The following NTM variants were observed in gnomAD, a reference collection of about 807,000 sequenced individuals.
NTM encodes IgLON family member 2.
In NTM, 13 loss-of-function variants were observed where a neutral mutation model predicts 42.1. The ratio of observed to expected loss-of-function variants is 0.31; its 90% CI spans 0.20 to 0.49. The LOEUF (loss-of-function observed/expected upper bound fraction) is 0.49. Among genes scored for constraint, NTM ranks in the 20% least tolerant of loss-of-function variants. The probability of loss-of-function intolerance (pLI) is 0.99; values close to 1 mark genes in which losing one functional copy is unlikely to be tolerated. For synonymous variants in NTM, 187 were observed against 179.2 expected (o/e 1.04, Z -0.35); for missense variants, 373 against 452.8 (o/e 0.82, Z 1.60).
chr11:131,605,394 T>A (rs2060858899), intron 1 of NTM, among the ~76,000 whole-genome samples: 1 of 152,262 alleles, frequency 6.6e-6, no homozygotes, highest in Non-Finnish European at 1.5e-5. Context: ...TATTTTTGTA[T>A]ATTTATTGTG....
intron 1 of NTM, among the ~76,000 whole-genome samples, chr11:131,515,771 G>A (rs1341797717): frequency 6.6e-6 from 1 of 152,222 alleles, no homozygotes; most frequent in Non-Finnish European, 1.5e-5. Flanking sequence ...AGGTGTTTAA[G>A]TGTAGAAATG....
intron 7 of NTM, among the ~76,000 whole-genome samples, chr11:132,321,757 A>T (rs1335550676): frequency 6.6e-6 from 1 of 150,458 alleles, no homozygotes; most frequent in Non-Finnish European, 1.5e-5. Context: ...TGAAGGAAAA[A>T]ATGTTAAGGG....
At chr11:132,291,701 G>C (rs1346436648) in intron 4 of NTM, among the ~76,000 whole-genome samples, 1 of 152,172 alleles carries the variant, frequency 6.6e-6, no homozygotes, top group Non-Finnish European at 1.5e-5. Flanking sequence ...CCAGAGAGGT[G>C]GTTGGGCAGT....
intron 4 of NTM, among the ~76,000 whole-genome samples, chr11:132,236,589 G>A (rs924942222): frequency 1.3e-4 from 20 of 152,170 alleles, no homozygotes; most frequent in African/African-American, 4.8e-4. Flanking sequence ...AGAAGATGGG[G>A]AGAGCCTTAC....
intron 1 of NTM, among the ~76,000 whole-genome samples, chr11:131,440,358 A>G (rs1485962472): frequency 1.3e-5 from 2 of 152,180 alleles, no homozygotes; most frequent in East Asian, 3.9e-4. Context: ...TGGGAGCTAC[A>G]CATTTTGGTG....
chr11:132,108,768 A>G (rs2062758349), intron 2 of NTM, among the ~76,000 whole-genome samples: 1 of 152,148 alleles, frequency 6.6e-6, no homozygotes, highest in African/African-American at 2.4e-5. Flanking sequence ...GGTTTTTTAC[A>G]TAGGTATACA....
At chr11:132,293,249 T>A (rs781181949) in intron 4 of NTM, among the ~76,000 whole-genome samples, 1 of 151,984 alleles carries the variant, frequency 6.6e-6, no homozygotes, top group Non-Finnish European at 1.5e-5. Context: ...GCCTTAAAGA[T>A]GTAAGGTTTG....
intron 1 of NTM, among the ~76,000 whole-genome samples, chr11:131,456,482 T>A (rs1950904039): frequency 6.6e-6 from 1 of 151,984 alleles, no homozygotes; most frequent in South Asian, 2.1e-4. Context: ...CCAGCTAAAG[T>A]CGAGTGCCCC....
chr11:131,772,381 C>A (rs140112086), intron 1 of NTM, among the ~76,000 whole-genome samples: 264 of 152,282 alleles, frequency 1.7e-3, no homozygotes, highest in African/African-American at 6.1e-3. Context: ...GATTCCTAAT[C>A]AATTGCCTTT....
intron 1 of NTM, among the ~76,000 whole-genome samples, chr11:131,637,161 C>T (rs1434490243): frequency 6.6e-6 from 1 of 152,058 alleles, no homozygotes; most frequent in African/African-American, 2.4e-5. Flanking sequence ...GTGCTCACTT[C>T]CCTTCCAAAA....
At chr11:132,231,673 C>A (rs2087588541) in intron 4 of NTM, among the ~76,000 whole-genome samples, 3 of 152,142 alleles carry the variant, frequency 2.0e-5, no homozygotes. Flanking sequence ...TTCGTCATTG[C>A]TGGGTAAGCA....
intron 1 of NTM, among the ~76,000 whole-genome samples, chr11:131,413,696 A>C (rs967512285): frequency 1.3e-5 from 2 of 152,226 alleles, no homozygotes; most frequent in South Asian, 4.1e-4. Context: ...TATTAAAAAT[A>C]ATAGTGTTTA....
chr11:131,622,914 C>T (rs2062724923), intron 1 of NTM, among the ~76,000 whole-genome samples: 1 of 152,166 alleles, frequency 6.6e-6, no homozygotes, highest in Non-Finnish European at 1.5e-5. Flanking sequence ...TGCCTTCCGT[C>T]CAGGTGCTCT....
At chr11:131,500,923 A>AT (rs34610016) in intron 1 of NTM, among the ~76,000 whole-genome samples, 4 of 151,052 alleles carry the variant, frequency 2.6e-5, no homozygotes, top group Non-Finnish European at 4.4e-5. Flanking sequence ...TGAACTCATC[A>AT]TTTTTTATGG....
At chr11:131,536,141 T>C (rs2052165339) in intron 1 of NTM, 1 of 152,070 alleles carries the variant, frequency 6.6e-6, no homozygotes, top group South Asian at 2.1e-4. Context: ...CCAACAGCCA[T>C]AGGAGGAGGG....
chr11:131,756,123 T>C (rs1304569825), intron 1 of NTM, among the ~76,000 whole-genome samples: 1 of 152,134 alleles, frequency 6.6e-6, no homozygotes, highest in Non-Finnish European at 1.5e-5. Flanking sequence ...CCCCACACTC[T>C]CATTGGTGTT....
chr11:131,437,837 G>T (rs1215287549), intron 1 of NTM, among the ~76,000 whole-genome samples: 1 of 152,144 alleles, frequency 6.6e-6, no homozygotes, highest in East Asian at 1.9e-4. Context: ...TATGTCAGCT[G>T]GTTATTTTGC....
At chr11:132,096,533 A>G (rs1203650559) in intron 2 of NTM, among the ~76,000 whole-genome samples, 1 of 152,148 alleles carries the variant, frequency 6.6e-6, no homozygotes, top group East Asian at 1.9e-4. Flanking sequence ...TATTACTTAT[A>G]ATATTCGCCT....
chr11:131,550,882 G>T (rs2054574589), intron 1 of NTM, among the ~76,000 whole-genome samples: 2 of 152,170 alleles, frequency 1.3e-5, no homozygotes, highest in Non-Finnish European at 2.9e-5. Flanking sequence ...ACACTGTTCT[G>T]CCTCTTTTCT....
Sources: gnomAD v4.1 joint callset for allele counts (sites outside exome capture counted in the v4.1 genomes callset) on GRCh38, gnomAD v4.1.1 for gene constraint, MANE v1.5 for transcripts, NCBI Gene and HGNC (gene_info 2026-07-23, HGNC 2026-07-21) for gene names.